Variants in TBC1D21 observed in about 807,000 individuals in gnomAD.
TBC1D21 encodes TBC1 domain family member 21, also known as male germ cell Rab GTPase-activating protein.
Under a neutral mutation model 46.0 loss-of-function variants are expected in TBC1D21, and 38 were observed. The observed-to-expected ratio is 0.83, with a 90% CI of 0.64 to 1.08. The LOEUF (loss-of-function observed/expected upper bound fraction) is 1.08. Among genes scored for constraint, TBC1D21 ranks in the 50% least tolerant of loss-of-function variants. The pLI, the probability that TBC1D21 is intolerant of heterozygous loss-of-function variation, is 0.00. For missense variants in TBC1D21, 415 were observed against 417.9 expected (o/e 0.99, Z 0.06); for synonymous variants, 151 against 157.2 (o/e 0.96, Z 0.29).
chr15:73,888,155 A>C (rs2068284247), intron 9 of TBC1D21, among the ~76,000 whole-genome samples: 1 of 152,224 alleles, frequency 6.6e-6, no homozygotes, highest in African/African-American at 2.4e-5. Flanking sequence ...TGACACCCTA[A>C]TTATAAACCA....
chr15:73,887,284 T>G (rs1178710053), intron 8 of TBC1D21, among the ~76,000 whole-genome samples: 1 of 152,148 alleles, frequency 6.6e-6, no homozygotes, highest in African/African-American at 2.4e-5. Flanking sequence ...CATCAACCCT[T>G]GCTTGCCAAA....
the TBC1D21 span, among the ~76,000 whole-genome samples, chr15:73,900,983 A>G: frequency 1.1e-4 from 17 of 152,222 alleles, no homozygotes; most frequent in African/African-American, 4.1e-4. Flanking sequence ...TCAAAGCCCA[A>G]TTTCTTGCCC....
intron 8 of TBC1D21, among the ~76,000 whole-genome samples, chr15:73,887,108 T>TGCCCTGCCC (rs2068262281): frequency 6.6e-6 from 1 of 152,098 alleles, no homozygotes; most frequent in South Asian, 2.1e-4. Flanking sequence ...CACCCATCAA[T>TGCCCTGCCC]GCCCTGCCCA....
At chr15:73,895,596 G>A in the TBC1D21 span, among the ~76,000 whole-genome samples, 12,237 of 152,240 alleles carry the variant, frequency 0.08, 651 homozygotes, top group Non-Finnish European at 0.11. Context: ...CCCGAACACC[G>A]GTAGTGCAGC....
chr15:73,884,747 G>A, intron 4 of TBC1D21, 34 bp from the exon 5 acceptor site: 1 of 1,504,378 alleles, frequency 6.6e-7, no homozygotes, highest in Non-Finnish European at 9.2e-7. Context: ...GATGTGATCT[G>A]GTGCCACCTA....
the TBC1D21 span, among the ~76,000 whole-genome samples, chr15:73,901,341 C>T: frequency 6.6e-6 from 1 of 152,256 alleles, no homozygotes; most frequent in African/African-American, 2.4e-5. Context: ...CAGGCCACCA[C>T]AGCCCTGGAG....
the TBC1D21 span, among the ~76,000 whole-genome samples, chr15:73,897,694 A>C: frequency 6.6e-6 from 1 of 152,192 alleles, no homozygotes; most frequent in South Asian, 2.1e-4. Flanking sequence ...TCTGGGGCAG[A>C]GGTGTTGCCG....
chr15:73,894,749 C>T, the TBC1D21 span, among the ~76,000 whole-genome samples: 24 of 152,244 alleles, frequency 1.6e-4, no homozygotes, highest in East Asian at 1.9e-4. Context: ...CTGCCCCTGC[C>T]GACCTTTCTC....
At position 73,888,528 on chromosome 15, in the gene TBC1D21, T is replaced by A; in HGVS notation, c.978+15T>A. On this transcript the variant is annotated intron_variant, in intron 10 of 10. Coordinates refer to ENST00000300504, the MANE Select transcript of TBC1D21 (RefSeq NM_153356.3). ...TCCAGAAGGATGTAAGTTGCCCCAA[T>A]GATGTGTCCTCCTCCTCCTCTTCCT... The A allele has an allele frequency of 6.2e-7, 1 of 1,606,426 alleles. No homozygotes were observed. The highest frequency in any genetic ancestry group is 8.5e-7 in the Non-Finnish European group (1 of 1,173,600).
At chr15:73,888,621 CTCT>C (rs1172855953) in intron 10 of TBC1D21, 108 bp downstream of exon 10, 25 of 751,582 alleles carry the variant, frequency 3.3e-5, no homozygotes, top group East Asian at 5.4e-5. Flanking sequence ...CCTCCTCCTC[CTCT>C]TCTTCCTCCT....
the TBC1D21 span, among the ~76,000 whole-genome samples, chr15:73,899,206 T>C: frequency 1.3e-5 from 2 of 152,100 alleles, no homozygotes; most frequent in African/African-American, 4.8e-5. Flanking sequence ...CTTCAGTTTC[T>C]CTACCTGAGA....
chr15:73,900,993 C>T, the TBC1D21 span, among the ~76,000 whole-genome samples: 2 of 152,156 alleles, frequency 1.3e-5, no homozygotes, highest in African/African-American at 4.8e-5. Flanking sequence ...ATTTCTTGCC[C>T]AGGGAGAGAT....
intron 1 of TBC1D21, among the ~76,000 whole-genome samples, chr15:73,880,304 CCA>C (rs57897774): frequency 1.7e-4 from 25 of 149,370 alleles, no homozygotes; most frequent in African/African-American, 4.2e-4. Flanking sequence ...CAGATATATA[CCA>C]CACACACACA....
At chr15:73,906,250 C>T in the TBC1D21 span, among the ~76,000 whole-genome samples, 15 of 152,238 alleles carry the variant, frequency 9.9e-5, no homozygotes, top group African/African-American at 3.4e-4. Flanking sequence ...CTTGAAGGAG[C>T]TGGGTAGGCA....
intron 6 of TBC1D21, 53 bp from the exon 7 acceptor site, chr15:73,886,024 TC>T: frequency 1.2e-5 from 18 of 1,517,274 alleles, no homozygotes; most frequent in Non-Finnish European, 1.6e-5. Flanking sequence ...AGTTGACTCT[TC>T]CGGTGCCTTG....
chr15:73,899,071 A>G, the TBC1D21 span, among the ~76,000 whole-genome samples: 1 of 151,950 alleles, frequency 6.6e-6, no homozygotes, highest in Non-Finnish European at 1.5e-5. Context: ...AAATGCTCAG[A>G]AGCGCGTGTG....
chr15:73,888,677 C>CCTCCTCCTCTTCCTCCTCGTA (rs2068303375), intron 10 of TBC1D21, among the ~76,000 whole-genome samples, 164 bp downstream of exon 10: 1 of 151,302 alleles, frequency 6.6e-6, no homozygotes, highest in East Asian at 1.9e-4. Flanking sequence ...TCCTCTTCCT[C>CCTCCTCCTCTTCCTCCTCGTA]CTCCTCCTCT....
rs2068222388 is a variant in TBC1D21, at chr15:73,885,141, A to C, written c.579+38A>C. 5.1e-6 allele frequency: 8 copies of C among 1,558,420 alleles called. No homozygotes were observed. In the East Asian group the frequency reaches 1.8e-4, roughly 35 times the overall value. On this transcript the variant is annotated intron_variant, in intron 6 of 10. Transcript: ENST00000300504. ...CCTGAGCTCAGGGACGCCCCTCCCC[A>C]ACCCCCCACTACTCCCCAAACAACT...
the TBC1D21 span, among the ~76,000 whole-genome samples, chr15:73,902,107 G>A: frequency 0.011 from 1,739 of 152,260 alleles, 23 homozygotes; most frequent in African/African-American, 0.04. Context: ...GAGCCACCGC[G>A]CCTGGCCAAG....
Sources: allele counts gnomAD v4.1 joint callset (sites outside exome capture counted in the v4.1 genomes callset), GRCh38; gene constraint gnomAD v4.1.1; transcripts MANE v1.5; gene names NCBI Gene and HGNC (gene_info 2026-07-23, HGNC 2026-07-21).